The following RIMS2 variants were observed in gnomAD, a reference collection of about 807,000 sequenced individuals.
RIMS2 encodes the protein regulating synaptic membrane exocytosis 2.
A neutral mutation model predicts 174.4 loss-of-function variants in RIMS2; 59 were observed. The observed-to-expected ratio is 0.34, with a 90% CI of 0.27 to 0.42. The LOEUF is 0.42. Ranked by LOEUF, RIMS2 falls within the 10% of genes least tolerant of loss-of-function variation. The pLI is 1.00. For synonymous variants in RIMS2, 606 were observed against 572.5 expected, an observed-to-expected ratio of 1.06 and a Z score of -0.84; for missense variants, 1,620 against 1,666.3, an observed-to-expected ratio of 0.97 and a Z score of 0.48.
At chr8:103,937,217 A>G (rs906097128) in intron 13 of RIMS2, among the ~76,000 whole-genome samples, 59 of 152,334 alleles carry the variant, frequency 3.9e-4, no homozygotes, top group African/African-American at 1.4e-3. Flanking sequence ...CTTTAGGACA[A>G]AAGTTGATAC....
chr8:103,717,699 A>AGATAAAAG, intron 2 of RIMS2, among the ~76,000 whole-genome samples: 2 of 152,240 alleles, frequency 1.3e-5, no homozygotes, highest in African/African-American at 4.8e-5. Context: ...TATATTTCAA[A>AGATAAAAG]CTAAATATTG....
intron 1 of RIMS2, among the ~76,000 whole-genome samples, chr8:103,680,196 A>C (rs1009715152): frequency 6.6e-6 from 1 of 152,014 alleles, no homozygotes; most frequent in African/African-American, 2.4e-5. Context: ...ACACCATTGA[A>C]ATAGAATGCA....
intron 1 of RIMS2, among the ~76,000 whole-genome samples, chr8:103,508,455 G>C (rs1272049779): frequency 1.5e-4 from 4 of 26,464 alleles, no homozygotes; most frequent in African/African-American, 3.1e-4. Flanking sequence ...CCTTTCATTT[G>C]TTAAAAAAAA....
intron 16 of RIMS2, among the ~76,000 whole-genome samples, chr8:103,983,547 G>A (rs1267556737): frequency 6.6e-6 from 1 of 152,114 alleles, no homozygotes; most frequent in East Asian, 1.9e-4. Context: ...CATAAAAACA[G>A]ACACGTAGAC....
At chr8:103,700,621 GT>G (rs1254064852) in intron 2 of RIMS2, among the ~76,000 whole-genome samples, 1 of 151,656 alleles carries the variant, frequency 6.6e-6, no homozygotes, top group Admixed American at 6.6e-5. Flanking sequence ...TAAAATTTAC[GT>G]TTACTGTGAT....
At chr8:104,177,012 C>T (rs537897554) in intron 19 of RIMS2, among the ~76,000 whole-genome samples, 1 of 152,166 alleles carries the variant, frequency 6.6e-6, no homozygotes, top group South Asian at 2.1e-4. Flanking sequence ...GTGTATAGAT[C>T]ACATCAATGG....
intron 4 of RIMS2, among the ~76,000 whole-genome samples, chr8:103,892,204 AT>A (rs5893667): frequency 1.3e-3 from 189 of 147,006 alleles, no homozygotes; most frequent in Admixed American, 1.8e-3. Context: ...CTAGATAACA[AT>A]TTTTTTTTTT....
chr8:104,149,755 C>A (rs2098674256), intron 19 of RIMS2, among the ~76,000 whole-genome samples: 1 of 152,126 alleles, frequency 6.6e-6, no homozygotes, highest in South Asian at 2.1e-4. Context: ...AAATCTACAG[C>A]ACAAAAGAAT....
chr8:104,013,439 CA>C lies in RIMS2; in HGVS notation c.3045-2del. 2 of 1,613,236 alleles carry C rather than the reference CA, an allele frequency of 1.2e-6. No individual in the cohort carries two copies. Among genetic ancestry groups the C allele is most frequent in the Non-Finnish European group, 1.7e-6 (2 of 1,179,496 alleles). On this transcript the variant is annotated splice_acceptor_variant, in intron 17 of 23. Coordinates refer to ENST00000504942, the Ensembl canonical transcript of RIMS2. LOFTEE classifies it high-confidence loss of function. ...CTGAGCTGCTTTTTGACTAACGTTT[CA>C]GGGATTGTGAAGCAGCAGATAGACA...
rs528538789 is a variant in RIMS2, at chr8:103,835,103, C to CTT, written c.699-50180_699-50179dup. Among the ~76,000 whole-genome samples, 638 of 130,766 alleles carry CTT rather than the reference C, an allele frequency of 4.9e-3. 3 individuals are homozygous for CTT. Among genetic ancestry groups the CTT allele is most frequent in the African/African-American group, 0.013 (462 of 34,962 alleles). 85.8% of individuals were successfully genotyped at this position (130,766 alleles called of 152,430 possible). A position where few individuals can be genotyped will look rare whatever the true frequency, so the allele number is the denominator to read the frequency against. On this transcript the variant is annotated intron_variant, in intron 3 of 23. Coordinates refer to ENST00000504942, the Ensembl canonical transcript of RIMS2. ...GAGTTTTCTTTTTTTCTTTTCTTTTCTTTTTTTTTTTTTTTTGAGACAGAG... is the reference window on the plus strand; with the variant it reads ...GAGTTTTCTTTTTTTCTTTTCTTTTCTTTTTTTTTTTTTTTTTTGAGACAGAG...
At chr8:103,747,044 C>T (rs1444388919) in intron 2 of RIMS2, among the ~76,000 whole-genome samples, 4 of 151,144 alleles carry the variant, frequency 2.6e-5, no homozygotes, top group Non-Finnish European at 5.9e-5. Context: ...CCAACTCTAT[C>T]CATGTCCCTG....
chr8:104,134,424 C>G (rs755665406), intron 19 of RIMS2, among the ~76,000 whole-genome samples: 10 of 152,208 alleles, frequency 6.6e-5, no homozygotes, highest in Admixed American at 3.9e-4. Flanking sequence ...AAGATCGTGC[C>G]ACTGCACTCC....
intron 2 of RIMS2, among the ~76,000 whole-genome samples, chr8:103,744,815 A>G (rs2097792989): frequency 6.6e-6 from 1 of 152,166 alleles, no homozygotes. Context: ...CCCTAGAAAT[A>G]ATCTACTCTT....
chr8:103,614,738 T>G (rs566908807), intron 1 of RIMS2, among the ~76,000 whole-genome samples: 1 of 152,356 alleles, frequency 6.6e-6, no homozygotes, highest in South Asian at 2.1e-4. Flanking sequence ...TATATCTTAG[T>G]ATATCTTTCT....
At chr8:104,133,729 A>G (rs999499332) in intron 19 of RIMS2, among the ~76,000 whole-genome samples, 4 of 152,162 alleles carry the variant, frequency 2.6e-5, no homozygotes, top group African/African-American at 4.8e-5. Context: ...GATATGTAAT[A>G]TATTTTAGAG....
chr8:103,795,285 G>A (rs964021194), intron 3 of RIMS2, among the ~76,000 whole-genome samples: 6 of 152,124 alleles, frequency 3.9e-5, no homozygotes, highest in Non-Finnish European at 8.8e-5. Flanking sequence ...CCTTTGTAGG[G>A]ACATGGATGC....
chr8:104,049,253 T>G (rs1431161666), intron 19 of RIMS2, among the ~76,000 whole-genome samples: 1 of 151,618 alleles, frequency 6.6e-6, no homozygotes, highest in Non-Finnish European at 1.5e-5. Context: ...AAACCCCATC[T>G]CTACTAAAAA....
intron 2 of RIMS2, among the ~76,000 whole-genome samples, chr8:103,717,309 TAA>T (rs10710945): frequency 1.1e-3 from 160 of 142,278 alleles, no homozygotes; most frequent in African/African-American, 2.5e-3. Flanking sequence ...TTTCTTTCCT[TAA>T]AAAAAAAAAA....
intron 19 of RIMS2, among the ~76,000 whole-genome samples, chr8:104,167,087 G>T (rs192147215): frequency 1.2e-3 from 186 of 152,312 alleles, no homozygotes; most frequent in African/African-American, 4.3e-3. Context: ...AAACACCTGT[G>T]CATGTATCTT....
Sources: allele counts gnomAD v4.1 joint callset (sites outside exome capture counted in the v4.1 genomes callset), GRCh38; gene constraint gnomAD v4.1.1; transcripts MANE v1.5; gene names NCBI Gene and HGNC (gene_info 2026-07-23, HGNC 2026-07-21).